Variants in ZNF292 observed in about 807,000 individuals in gnomAD.
ZNF292 encodes the protein zinc finger protein 292.
Under a neutral mutation model 217.9 loss-of-function variants are expected in ZNF292, and 26 were observed. That is an observed-to-expected ratio of 0.12 (90% confidence interval 0.09 to 0.17). The LOEUF is 0.17. Ranked by LOEUF, ZNF292 falls within the 10% of genes least tolerant of loss-of-function variation. The pLI is 1.00. For synonymous variants in ZNF292, 1,257 were observed against 1,124.1 expected, an observed-to-expected ratio of 1.12 and a Z score of -2.37; for missense variants, 2,904 against 3,175.2, an observed-to-expected ratio of 0.91 and a Z score of 2.05.
chr6:87,259,007 T>C lies in ZNF292; in HGVS notation c.5378T>C (p.Ile1793Thr). Residue 1793 changes from isoleucine (I) to threonine (T), a missense_variant, in exon 8 of 8, where the codon ATT (isoleucine) becomes ACT (threonine). Around this residue, in one of 15 missense-constraint regions of ZNF292, gnomAD observed 622 missense variants for 573.1 expected, o/e 1.09. Coordinates refer to ENST00000369577, the MANE Select transcript of ZNF292 (RefSeq NM_015021.3). ...CAAAATGCTCAAATAAATTATAACA[T>C]TCAGCTTCCTTCAGTAAACACTGTG... ...TSQNAQINYNIQLPSVNTVQN... is the reference protein window; with the variant it reads ...TSQNAQINYNTQLPSVNTVQN... The C allele has an allele frequency of 1.2e-6, 2 of 1,613,528 alleles. No homozygotes were observed. Among genetic ancestry groups the C allele is most frequent in the Non-Finnish European group, 1.7e-6 (2 of 1,179,670 alleles).
chr6:87,158,421 C>G (rs1418398494), intron 1 of ZNF292, among the ~76,000 whole-genome samples: 1 of 152,156 alleles, frequency 6.6e-6, no homozygotes, highest in Non-Finnish European at 1.5e-5. Context: ...CACCTGTAAT[C>G]CCAGCAGTTT....
chr6:87,188,694 A>G (rs1266143401), intron 1 of ZNF292, among the ~76,000 whole-genome samples: 1 of 149,050 alleles, frequency 6.7e-6, no homozygotes, highest in Non-Finnish European at 1.5e-5. Flanking sequence ...TCTGCATTGT[A>G]TTAATATATA....
chr6:87,187,572 G>A (rs1032504310), intron 1 of ZNF292, among the ~76,000 whole-genome samples: 4 of 151,940 alleles, frequency 2.6e-5, no homozygotes, highest in African/African-American at 7.3e-5. Flanking sequence ...ACAAAAATTA[G>A]CCAAGTATGG....
At chr6:87,160,412 G>T (rs866958819) in intron 1 of ZNF292, among the ~76,000 whole-genome samples, 2 of 152,020 alleles carry the variant, frequency 1.3e-5, no homozygotes, top group Non-Finnish European at 2.9e-5. Context: ...TAGTGATCTG[G>T]TGGCTGACAG....
At chr6:87,192,319 T>C (rs1771841350) in intron 1 of ZNF292, among the ~76,000 whole-genome samples, 1 of 151,974 alleles carries the variant, frequency 6.6e-6, no homozygotes. Context: ...TCTGTTACTT[T>C]AAAAAGTGAA....
At chr6:87,197,057 A>C (rs1771970400) in intron 1 of ZNF292, among the ~76,000 whole-genome samples, 1 of 142,684 alleles carries the variant, frequency 7.0e-6, no homozygotes, top group South Asian at 2.3e-4. Context: ...CAAATGTCCA[A>C]CAAATGAGAA....
intron 5 of ZNF292, among the ~76,000 whole-genome samples, chr6:87,236,507 G>A (rs1773913062): frequency 6.6e-6 from 1 of 152,016 alleles, no homozygotes; most frequent in Admixed American, 6.5e-5. Flanking sequence ...ATGAACTTTG[G>A]TCTGGATTCT....
chr6:87,221,204 A>G (rs1401908022), intron 4 of ZNF292, among the ~76,000 whole-genome samples: 1 of 152,208 alleles, frequency 6.6e-6, no homozygotes, highest in Non-Finnish European at 1.5e-5. Context: ...TTTCACTTCA[A>G]CATTTGAGTA....
chr6:87,249,300 T>C, intron 7 of ZNF292: 1 of 313,076 alleles, frequency 3.2e-6, no homozygotes, highest in Non-Finnish European at 6.6e-6. Flanking sequence ...CTAATTTTTT[T>C]ATTTTTTGTA....
chr6:87,256,477 A>G lies in ZNF292; in HGVS notation c.2848A>G (p.Asn950Asp). The G allele has an allele frequency of 3.1e-6, 5 of 1,610,226 alleles. No homozygotes were observed. Among genetic ancestry groups the G allele is most frequent in the Non-Finnish European group, 4.2e-6 (5 of 1,179,816 alleles). Reference sequence around the variant, plus strand: ...GTCTCTCAATCAGGGGATTGAGGATAACTTTGGAAAGCAAGAAAACTCAAC... The same window carrying G: ...GTCTCTCAATCAGGGGATTGAGGATGACTTTGGAAAGCAAGAAAACTCAAC... ...KVSLNQGIED[N>D]FGKQENSTVE... Residue 950 changes from asparagine to aspartate, a missense_variant, in exon 8 of 8, where the codon AAC (asparagine) becomes GAC (aspartate). This residue lies in a region of ZNF292 where 687 missense variants were observed against 623.0 expected (regional missense o/e 1.10). Transcript: ENST00000369577.
chr6:87,204,887 G>C (rs936222372), intron 1 of ZNF292, among the ~76,000 whole-genome samples: 1 of 152,018 alleles, frequency 6.6e-6, no homozygotes, highest in Non-Finnish European at 1.5e-5. Context: ...TTAAATCGCT[G>C]TGTATGTCTG....
At chr6:87,234,279 T>G (rs2127825488) in intron 5 of ZNF292, among the ~76,000 whole-genome samples, 1 of 152,248 alleles carries the variant, frequency 6.6e-6, no homozygotes, top group East Asian at 1.9e-4. Context: ...CTAGATTGGC[T>G]GGGTGCCTGT....
At chr6:87,204,236 G>GT (rs1318608692) in intron 1 of ZNF292, among the ~76,000 whole-genome samples, 1 of 152,180 alleles carries the variant, frequency 6.6e-6, no homozygotes, top group Non-Finnish European at 1.5e-5. Context: ...TACTACTACT[G>GT]TATCTTTTTC....
Position 87,258,814 on chromosome 6 carries a change from C to G in ZNF292, c.5185C>G (p.Gln1729Glu), listed in dbSNP as rs1280838951. The G allele has an allele frequency of 1.9e-6, 3 of 1,612,824 alleles. No homozygotes were observed. Among genetic ancestry groups the G allele is most frequent in the Non-Finnish European group, 2.5e-6 (3 of 1,179,466 alleles). The change falls in exon 8 of 8, where the codon CAA (glutamine) becomes GAA (glutamate). Residue 1729 changes from glutamine (Q) to glutamate (E), a missense_variant. Around this residue, in one of 15 missense-constraint regions of ZNF292, gnomAD observed 622 missense variants for 573.1 expected, o/e 1.09. Transcript: ENST00000369577. ...ATTAAAAACTGAAAATGGTGATTCC[C>G]AAATGATGGCTTTGAATTCATGCAC... The part of the protein sequence containing the change: ...LTLKTENGDS[Q>E]MMALNSCTTS...
chr6:87,218,752 G>GA, intron 4 of ZNF292, 21 bp downstream of exon 4: 22 of 1,543,812 alleles, frequency 1.4e-5, no homozygotes, highest in South Asian at 1.3e-4. Flanking sequence ...GAGAGACAGA[G>GA]AAAAAAAAGA....
At position 87,255,037 on chromosome 6, in the gene ZNF292, A is replaced by G. The variant is rs1166797338; in HGVS notation, c.1408A>G (p.Ile470Val). 2 of 1,613,734 alleles carry G rather than the reference A, an allele frequency of 1.2e-6. No homozygotes were observed. Among genetic ancestry groups the G allele is most frequent in the African/African-American group, 1.3e-5 (1 of 74,940 alleles). ...MGEEASIVSS[I>V]DELNDSEVYE... ...AGAAGAAGCATCCATTGTGTCTTCAATAGATGAACTAAATGACAGTGAAGT... is the reference window on the plus strand; with the variant it reads ...AGAAGAAGCATCCATTGTGTCTTCAGTAGATGAACTAAATGACAGTGAAGT... The change falls in exon 8 of 8, where the codon ATA (isoleucine) becomes GTA (valine). Residue 470 changes from isoleucine to valine, a missense_variant. This residue lies in a region of ZNF292 where 87 missense variants were observed against 99.6 expected (regional missense o/e 0.87). Coordinates refer to ENST00000369577, the MANE Select transcript of ZNF292 (RefSeq NM_015021.3).
At chr6:87,160,642 GGT>G (rs141577588) in intron 1 of ZNF292, among the ~76,000 whole-genome samples, 178 of 148,618 alleles carry the variant, frequency 1.2e-3, no homozygotes, top group Middle Eastern at 3.5e-3. Flanking sequence ...ACATGTATAC[GGT>G]GTGTGTGTGT....
At chr6:87,167,486 C>A (rs1233652972) in intron 1 of ZNF292, among the ~76,000 whole-genome samples, 1 of 152,072 alleles carries the variant, frequency 6.6e-6, no homozygotes, top group Non-Finnish European at 1.5e-5. Context: ...ACTAAAAATA[C>A]AAAAATTAGC....
intron 1 of ZNF292, among the ~76,000 whole-genome samples, chr6:87,192,105 CATTT>C (rs1562131553): frequency 6.6e-6 from 1 of 152,180 alleles, no homozygotes; most frequent in Non-Finnish European, 1.5e-5. Flanking sequence ...ACTACAAAAA[CATTT>C]ATAATGTCTT....
Sources: gnomAD v4.1 joint callset for allele counts (sites outside exome capture counted in the v4.1 genomes callset) on GRCh38, gnomAD v4.1.1 for gene constraint, gnomAD v4.1.1 regional missense constraint, MANE v1.5 for transcripts, NCBI Gene and HGNC (gene_info 2026-07-23, HGNC 2026-07-21) for gene names.